DCDC2C: variants seen among roughly 807,000 people sequenced by gnomAD.
The protein encoded by DCDC2C is doublecortin domain-containing protein 2C.
A neutral mutation model predicts 45.0 loss-of-function variants in DCDC2C; 44 were observed. That is an observed-to-expected ratio of 0.98 (90% CI 0.77 to 1.26). DCDC2C has a LOEUF of 1.26. Among genes scored for constraint, DCDC2C ranks in the 50% most tolerant of loss-of-function variants. The probability of loss-of-function intolerance (pLI) is 0.00; values close to 1 mark genes in which losing one functional copy is unlikely to be tolerated. For missense variants in DCDC2C, 447 were observed against 468.9 expected (o/e 0.95, Z 0.43); for synonymous variants, 187 against 178.8 (o/e 1.05, Z -0.37).
intron 2 of DCDC2C, among the ~76,000 whole-genome samples, chr2:3,725,151 G>A (rs1668605751): frequency 6.6e-6 from 1 of 152,170 alleles, no homozygotes; most frequent in Admixed American, 6.5e-5. Context: ...GGGTGGGTGT[G>A]AAGTAGGCAG....
At chr2:3,745,649 G>A (rs58654235) in intron 4 of DCDC2C, among the ~76,000 whole-genome samples, 2,293 of 152,240 alleles carry the variant, frequency 0.015, 58 homozygotes, top group African/African-American at 0.051. Context: ...TGTATTTATC[G>A]TTCCTTAGAT....
intron 10 of DCDC2C, among the ~76,000 whole-genome samples, chr2:3,795,283 G>A (rs1040036890): frequency 6.6e-6 from 1 of 151,270 alleles, no homozygotes; most frequent in Non-Finnish European, 1.5e-5. Flanking sequence ...GTCAGATGAG[G>A]AGGTTGCGAA....
At chr2:3,810,133 T>C (rs576608001) in intron 10 of DCDC2C, among the ~76,000 whole-genome samples, 16 of 152,292 alleles carry the variant, frequency 1.1e-4, no homozygotes, top group African/African-American at 3.9e-4. Flanking sequence ...TGGGTCAAAT[T>C]ATATTTCTGG....
chr2:3,769,490 C>A, intron 8 of DCDC2C, 79 bp downstream of exon 8: 2 of 1,277,638 alleles, frequency 1.6e-6, no homozygotes, highest in Non-Finnish European at 2.2e-6. Flanking sequence ...TCATCCTTCA[C>A]CCTCTCCCTG....
At chr2:3,765,933 A>C (rs143122266) in intron 6 of DCDC2C, among the ~76,000 whole-genome samples, 1 of 152,180 alleles carries the variant, frequency 6.6e-6, no homozygotes, top group African/African-American at 2.4e-5. Flanking sequence ...TCCCGATTTC[A>C]CAGAAATAAG....
intron 3 of DCDC2C, among the ~76,000 whole-genome samples, chr2:3,731,811 G>C (rs1668876371): frequency 6.6e-6 from 1 of 152,318 alleles, no homozygotes; most frequent in African/African-American, 2.4e-5. Flanking sequence ...TCGTGTTCTT[G>C]AGCTCACGAG....
At chr2:3,788,776 G>T (rs76354205) in intron 10 of DCDC2C, among the ~76,000 whole-genome samples, 19,930 of 106,314 alleles carry the variant, frequency 0.19, 1,485 homozygotes, top group East Asian at 0.38. Context: ...CCTTTCTTCC[G>T]TTTCCCTTTC....
Position 3,827,541 on chromosome 2 carries a change from AT to A in DCDC2C, c.1066-19610del, listed in dbSNP as rs528404114. Among the ~76,000 whole-genome samples, 857 of 152,266 alleles carry A rather than the reference AT, an allele frequency of 5.6e-3. 3 individuals carry two copies. Among genetic ancestry groups the A allele is most frequent in the Non-Finnish European group, 9.7e-3 (661 of 67,990 alleles). On this transcript the variant is annotated intron_variant, in intron 10 of 10. Coordinates refer to ENST00000399143, the MANE Select transcript of DCDC2C (RefSeq NM_001287444.2). ...TGCTAATTGGGGTTTCAGCTTCAAA[AT>A]TTCATTTTAATTGTTGATATTACTT...
chr2:3,790,524 A>C (rs1449671987), intron 10 of DCDC2C, among the ~76,000 whole-genome samples: 1 of 152,238 alleles, frequency 6.6e-6, no homozygotes, highest in Non-Finnish European at 1.5e-5. Context: ...CAGAAATGCC[A>C]ATAAAACCAG....
At chr2:3,754,784 GA>G in intron 6 of DCDC2C, 150 bp downstream of exon 6, 1 of 636,612 alleles carries the variant, frequency 1.6e-6, no homozygotes, top group Non-Finnish European at 2.7e-6. Flanking sequence ...GGCTTATAAG[GA>G]AAAATCAGAT....
At chr2:3,831,645 A>G (rs375938027) in intron 10 of DCDC2C, among the ~76,000 whole-genome samples, 7 of 152,186 alleles carry the variant, frequency 4.6e-5, no homozygotes, top group African/African-American at 1.7e-4. Flanking sequence ...GAAAGAGGAG[A>G]AGCAAAATGT....
chr2:3,720,080 A>T (rs796512698), intron 2 of DCDC2C, among the ~76,000 whole-genome samples: 166 of 152,288 alleles, frequency 1.1e-3, no homozygotes, highest in African/African-American at 3.9e-3. Flanking sequence ...GTTGCCTGTG[A>T]AGACAGCATG....
chr2:3,830,161 G>T (rs1439666091), intron 10 of DCDC2C, among the ~76,000 whole-genome samples: 2 of 152,234 alleles, frequency 1.3e-5, no homozygotes, highest in African/African-American at 4.8e-5. Context: ...TTGCTTGGTG[G>T]TTCAGGCCCT....
rs114713931 is a variant in DCDC2C at position 3,776,879 on chromosome 2, T to C, written c.955-1937T>C. On this transcript the variant is annotated intron_variant, in intron 8 of 10. Transcript: ENST00000399143. The stretch of plus-strand genomic sequence containing the variant: ...CTGCATGAATGACACCCAGATCCAT[T>C]CAGTAAGACAAAAGAGAAACTGAAG... 8.9e-3 allele frequency among the ~76,000 whole-genome samples: 1,350 copies of C among 152,274 alleles called. 21 individuals carry two copies. The highest frequency in any genetic ancestry group is 0.03 in the African/African-American group (1,244 of 41,556).
intron 10 of DCDC2C, among the ~76,000 whole-genome samples, chr2:3,840,421 G>T (rs902183340): frequency 7.2e-5 from 11 of 152,204 alleles, no homozygotes; most frequent in Admixed American, 2.0e-4. Flanking sequence ...TATGCTTTTC[G>T]GCGGGGGTTG....
intron 6 of DCDC2C, among the ~76,000 whole-genome samples, chr2:3,766,312 A>G (rs76981112): frequency 6.2e-4 from 85 of 136,518 alleles, no homozygotes; most frequent in East Asian, 2.7e-3. Context: ...ACACACACGC[A>G]CACACACACA....
At chr2:3,759,413 C>T (rs1033827283) in intron 6 of DCDC2C, among the ~76,000 whole-genome samples, 1 of 152,160 alleles carries the variant, frequency 6.6e-6, no homozygotes, top group Non-Finnish European at 1.5e-5. Context: ...CACTTCCTTT[C>T]TTTCTTAGTG....
intron 9 of DCDC2C, among the ~76,000 whole-genome samples, chr2:3,779,348 G>A (rs191285120): frequency 7.2e-5 from 11 of 152,366 alleles, no homozygotes; most frequent in African/African-American, 2.6e-4. Context: ...GCAGATGGCA[G>A]TGGAAGCCAG....
intron 2 of DCDC2C, among the ~76,000 whole-genome samples, chr2:3,725,618 ACC>A (rs1668638627): frequency 6.8e-6 from 1 of 146,236 alleles, no homozygotes; most frequent in African/African-American, 2.6e-5. Context: ...CTGGAGGGAG[ACC>A]GCCAGAGTGA....
Sources: allele counts gnomAD v4.1 joint callset (sites outside exome capture counted in the v4.1 genomes callset), GRCh38; gene constraint gnomAD v4.1.1; transcripts MANE v1.5; gene names NCBI Gene and HGNC (gene_info 2026-07-23, HGNC 2026-07-21).